The following NADK2 variants were observed in gnomAD, a reference collection of about 807,000 sequenced individuals.
NADK2 encodes NAD kinase 2, mitochondrial, also known as NAD kinase domain-containing protein 1, mitochondrial.
NADK2 carries 35 observed loss-of-function variants against 62.1 expected under a neutral mutation model. That is an observed-to-expected ratio of 0.56 (90% CI 0.43 to 0.75). The LOEUF (loss-of-function observed/expected upper bound fraction) is 0.75, where lower values mean the gene tolerates loss of function less well. NADK2 is among the 30% of genes least tolerant of loss of function. NADK2 has a pLI of 0.00. For synonymous variants in NADK2, 205 were observed against 207.9 expected (o/e 0.99, Z 0.12); for missense variants, 439 against 561.3 (o/e 0.78, Z 2.20).
At chr5:36,230,016 A>C (rs1005032555) in intron 1 of NADK2, among the ~76,000 whole-genome samples, 1 of 151,612 alleles carries the variant, frequency 6.6e-6, no homozygotes, top group East Asian at 2.0e-4. Flanking sequence ...TCATGATCTC[A>C]CACGTGAACC....
chr5:36,197,263 G>A (rs1021502157), intron 11 of NADK2, among the ~76,000 whole-genome samples: 1 of 151,840 alleles, frequency 6.6e-6, no homozygotes, highest in Non-Finnish European at 1.5e-5. Context: ...TTGTGTCTTC[G>A]TTCATTTTTT....
chr5:36,232,012 G>A (rs1747726290), intron 1 of NADK2, among the ~76,000 whole-genome samples: 1 of 151,612 alleles, frequency 6.6e-6, no homozygotes, highest in Non-Finnish European at 1.5e-5. Context: ...CAGACAGACA[G>A]ACACATTTCA....
At chr5:36,227,605 A>ATT (rs1579630949) in intron 1 of NADK2, 40 bp from the exon 2 acceptor site, 1 of 1,076,274 alleles carries the variant, frequency 9.3e-7, no homozygotes, top group African/African-American at 1.7e-5. Flanking sequence ...ACTAATATAT[A>ATT]TTACACATGA....
Position 36,227,847 on chromosome 5 carries a change from C to CT in NADK2, c.301-283dup, listed in dbSNP as rs201331621. 0.017 allele frequency among the ~76,000 whole-genome samples: 2,349 copies of CT among 139,778 alleles called. 145 individuals are homozygous for CT. In the East Asian group the frequency reaches 0.21, roughly 12 times the overall value. 91.7% of individuals were successfully genotyped at this position (139,778 alleles called of 152,430 possible). ...CTTAAGTTTTTTATTTTTTTTATGA[C>CT]TTTTTTTTTTTTTTTGAGATGGAGT... On this transcript the variant is annotated intron_variant, in intron 1 of 11. Transcript: ENST00000381937.
At chr5:36,200,768 T>C (rs530101020) in intron 9 of NADK2, among the ~76,000 whole-genome samples, 29 of 152,118 alleles carry the variant, frequency 1.9e-4, no homozygotes, top group African/African-American at 7.0e-4. Context: ...CATGGTATCA[T>C]AGTGCTTGTG....
At chr5:36,238,338 A>T (rs1747984869) in intron 1 of NADK2, among the ~76,000 whole-genome samples, 1 of 152,184 alleles carries the variant, frequency 6.6e-6, no homozygotes, top group South Asian at 2.1e-4. Flanking sequence ...TGTTAAATGA[A>T]ATTATTCTAT....
At chr5:36,223,448 G>C (rs894254868) in intron 4 of NADK2, among the ~76,000 whole-genome samples, 2 of 152,084 alleles carry the variant, frequency 1.3e-5, no homozygotes, top group African/African-American at 4.8e-5. Context: ...GAAGAAAAAA[G>C]ATGGCCCAGA....
In NADK2 at chr5:36,216,413, T is replaced by G. The variant is rs79089990; in HGVS notation, c.781+1335A>C. The stretch of plus-strand genomic sequence containing the variant: ...CTTGTTTCCTTTGTTATACAGAAGC[T>G]TTTGTTTAATATAGTTCCATTTGTC... On this transcript the variant is annotated intron_variant, in intron 6 of 11. Coordinates refer to ENST00000381937, the MANE Select transcript of NADK2 (RefSeq NM_001085411.3). Among the ~76,000 whole-genome samples the G allele has an allele frequency of 0.019, 2,908 of 152,292 alleles. 170 individuals are homozygous for G. In the South Asian group the frequency reaches 0.22, roughly 11 times the overall value.
At chr5:36,235,668 T>C (rs1315876485) in intron 1 of NADK2, among the ~76,000 whole-genome samples, 3 of 152,080 alleles carry the variant, frequency 2.0e-5, no homozygotes, top group Non-Finnish European at 4.4e-5. Context: ...TTACTCCTGC[T>C]TGAGAACTGT....
In NADK2 at chr5:36,227,529, C is replaced by G. The variant is rs1747529517; in HGVS notation, c.337G>C (p.Glu113Gln). 3 of 1,558,118 alleles carry G rather than the reference C, an allele frequency of 1.9e-6. No individual in the cohort carries two copies. The highest frequency in any genetic ancestry group is 1.4e-5 in the African/African-American group (1 of 73,068). The change falls in exon 2 of 12, where the codon GAA (glutamate) becomes CAA (glutamine). Residue 113 changes from glutamate (E) to glutamine (Q), a missense_variant. Transcript: ENST00000381937. ...TTTTTGGTGTGAATATGATGTCGTT[C>G]AAGAAGTCCACTGTAACTAGAGCCT... Reference protein sequence around the residue: ...LKGSSYSGLLERHHIHTKNVE... With the variant: ...LKGSSYSGLLQRHHIHTKNVE...
intron 2 of NADK2, among the ~76,000 whole-genome samples, chr5:36,226,954 G>A (rs185635506): frequency 1.1e-3 from 160 of 152,148 alleles, no homozygotes; most frequent in African/African-American, 3.6e-3. Context: ...AAACTGAATG[G>A]CCATTATTTT....
At chr5:36,204,289 T>C (rs753172367) in intron 8 of NADK2, among the ~76,000 whole-genome samples, 1 of 152,156 alleles carries the variant, frequency 6.6e-6, no homozygotes, top group Non-Finnish European at 1.5e-5. Context: ...TCAGTTCCAA[T>C]TCCTGCATTT....
intron 6 of NADK2, 120 bp from the exon 7 acceptor site, chr5:36,212,042 T>A: frequency 1.5e-6 from 1 of 666,196 alleles, no homozygotes; most frequent in Non-Finnish European, 2.5e-6. Context: ...TCACATACTT[T>A]AATACAGTTA....
In NADK2 at chr5:36,216,013, T is replaced by G. The variant is rs530786941; in HGVS notation, c.781+1735A>C. Reference sequence around the variant, plus strand: ...ATTTTAGATTTTTGAGAAACCTTCATGCTGTTTTCCATAATGGCTTTACTT... The same window carrying G: ...ATTTTAGATTTTTGAGAAACCTTCAGGCTGTTTTCCATAATGGCTTTACTT... On this transcript the variant is annotated intron_variant, in intron 6 of 11. Coordinates refer to ENST00000381937, the MANE Select transcript of NADK2 (RefSeq NM_001085411.3). 3.7e-4 allele frequency among the ~76,000 whole-genome samples: 56 copies of G among 152,274 alleles called. No individual in the cohort carries two copies. The South Asian group carries it at 0.011, about 31-fold the overall frequency.
chr5:36,218,029 C>T, intron 5 of NADK2, 145 bp from the exon 6 acceptor site: 1 of 619,068 alleles, frequency 1.6e-6, no homozygotes, highest in Non-Finnish European at 2.7e-6. Context: ...ACACCTAAAG[C>T]CTATAGCTTC....
intron 1 of NADK2, among the ~76,000 whole-genome samples, chr5:36,240,769 CTTTT>C (rs1018725685): frequency 3.9e-5 from 6 of 152,138 alleles, no homozygotes; most frequent in South Asian, 2.1e-4. Flanking sequence ...GAGTCGCAGG[CTTTT>C]TTATTTCACA....
intron 6 of NADK2, among the ~76,000 whole-genome samples, chr5:36,216,501 G>A (rs754560960): frequency 3.3e-5 from 5 of 151,954 alleles, no homozygotes; most frequent in African/African-American, 7.3e-5. Flanking sequence ...CTAGACCAAC[G>A]TGCTGAATAA....
chr5:36,219,500 C>A, intron 5 of NADK2, 96 bp downstream of exon 5: 1 of 1,089,790 alleles, frequency 9.2e-7, no homozygotes, highest in Non-Finnish European at 1.4e-6. Flanking sequence ...CGTGAGATAC[C>A]GTGCCCTGCC....
intron 8 of NADK2, 26 bp downstream of exon 8, chr5:36,207,144 G>A (rs1181435869): frequency 7.0e-6 from 11 of 1,571,754 alleles, no homozygotes; most frequent in Non-Finnish European, 7.9e-6. Context: ...CACAAAACTT[G>A]ATAAGCAACA....
Sources: gnomAD v4.1 joint callset for allele counts (sites outside exome capture counted in the v4.1 genomes callset) on GRCh38, gnomAD v4.1.1 for gene constraint, MANE v1.5 for transcripts, NCBI Gene and HGNC (gene_info 2026-07-23, HGNC 2026-07-21) for gene names.